TNRC6B: variants seen among roughly 807,000 people sequenced by gnomAD.
The protein encoded by TNRC6B is trinucleotide repeat-containing gene 6B protein.
TNRC6B carries 52 observed loss-of-function variants against 203.6 expected under a neutral mutation model. The observed-to-expected ratio is 0.26, with a 90% CI of 0.20 to 0.32. The LOEUF is 0.32. Among genes scored for constraint, TNRC6B ranks in the 10% least tolerant of loss-of-function variants. TNRC6B has a pLI of 1.00. For missense variants in TNRC6B, 1,923 were observed against 2,286.2 expected (o/e 0.84, Z 3.24); for synonymous variants, 838 against 845.7 (o/e 0.99, Z 0.16).
intron 1 of TNRC6B, among the ~76,000 whole-genome samples, chr22:40,213,853 C>A (rs184162069): frequency 2.0e-5 from 3 of 152,166 alleles, no homozygotes; most frequent in African/African-American, 7.2e-5. Context: ...GATAACTCTT[C>A]AAATATGGAA....
chr22:40,185,254 G>T (rs572272247), intron 1 of TNRC6B, among the ~76,000 whole-genome samples: 1 of 152,244 alleles, frequency 6.6e-6, no homozygotes, highest in East Asian at 1.9e-4. Flanking sequence ...CTCCCAAAGT[G>T]CTGGGATTAC....
intron 1 of TNRC6B, among the ~76,000 whole-genome samples, chr22:40,207,281 G>A (rs1388029661): frequency 1.3e-5 from 2 of 151,824 alleles, no homozygotes; most frequent in Admixed American, 6.6e-5. Context: ...TGTGGCTCAC[G>A]CCTATAGTTC....
At chr22:40,252,689 T>C (rs1460662252) in intron 3 of TNRC6B, among the ~76,000 whole-genome samples, 3 of 152,214 alleles carry the variant, frequency 2.0e-5, no homozygotes, top group East Asian at 1.9e-4. Context: ...CCCTTGTACA[T>C]TTCCTCAGTT....
At chr22:40,051,363 G>A (rs2067742952) in intron 1 of TNRC6B, among the ~76,000 whole-genome samples, 1 of 152,222 alleles carries the variant, frequency 6.6e-6, no homozygotes, top group South Asian at 2.1e-4. Flanking sequence ...CCAGGCTGGG[G>A]TCAGCACTTG....
chr22:40,242,763 G>A (rs565143027), intron 1 of TNRC6B, among the ~76,000 whole-genome samples: 1 of 151,770 alleles, frequency 6.6e-6, no homozygotes, highest in South Asian at 2.1e-4. Context: ...TAGTCCATCA[G>A]TCTCCTGTAT....
intron 1 of TNRC6B, among the ~76,000 whole-genome samples, chr22:40,104,839 C>T (rs967756347): frequency 9.2e-5 from 14 of 152,142 alleles, no homozygotes; most frequent in Non-Finnish European, 2.1e-4. Flanking sequence ...GTTTTACAGA[C>T]GAGAAGGCCG....
intron 1 of TNRC6B, among the ~76,000 whole-genome samples, chr22:40,096,112 G>A (rs2068184320): frequency 6.6e-6 from 1 of 152,126 alleles, no homozygotes; most frequent in Non-Finnish European, 1.5e-5. Flanking sequence ...CTGTTGTATT[G>A]AACACATTGG....
intron 1 of TNRC6B, among the ~76,000 whole-genome samples, chr22:40,051,602 A>G (rs1211433714): frequency 6.6e-6 from 1 of 152,108 alleles, no homozygotes; most frequent in East Asian, 1.9e-4. Flanking sequence ...CTCCCTCCCA[A>G]ATCGACCACA....
chr22:40,071,829 A>G (rs915894372), intron 1 of TNRC6B, among the ~76,000 whole-genome samples: 2 of 152,160 alleles, frequency 1.3e-5, no homozygotes, highest in African/African-American at 4.8e-5. Flanking sequence ...CGATTTGTTC[A>G]GATTGCATGG....
At chr22:40,157,492 T>A (rs2068828029) in intron 4 of TNRC6B, among the ~76,000 whole-genome samples, 1 of 152,206 alleles carries the variant, frequency 6.6e-6, no homozygotes, top group Non-Finnish European at 1.5e-5. Flanking sequence ...CGTCTTGTAT[T>A]TGTTGTGAAT....
chr22:40,156,755 G>GTTTTTTTT (rs542249864), intron 4 of TNRC6B, among the ~76,000 whole-genome samples: 1 of 135,008 alleles, frequency 7.4e-6, no homozygotes. Context: ...TTTGTTGTTG[G>GTTTTTTTT]TTTTTTTTTT....
intron 1 of TNRC6B, among the ~76,000 whole-genome samples, chr22:40,075,156 A>ATATATAT: frequency 2.0e-4 from 7 of 35,554 alleles, no homozygotes; most frequent in Non-Finnish European, 2.1e-4. Context: ...ATATATATAT[A>ATATATAT]TTTTTTTTTT....
chr22:40,056,809 A>G (rs527357654), intron 1 of TNRC6B, among the ~76,000 whole-genome samples: 1 of 151,810 alleles, frequency 6.6e-6, no homozygotes, highest in Admixed American at 6.6e-5. Context: ...AAAAAAAAAA[A>G]AAAAAGAAAG....
chr22:40,183,208 A>G (rs1166785185), intron 1 of TNRC6B, among the ~76,000 whole-genome samples: 2 of 152,146 alleles, frequency 1.3e-5, no homozygotes, highest in African/African-American at 4.8e-5. Flanking sequence ...AGGAAATGCT[A>G]TATGTGAGGG....
At chr22:40,080,636 TC>T (rs2068056650) in intron 1 of TNRC6B, among the ~76,000 whole-genome samples, 1 of 152,124 alleles carries the variant, frequency 6.6e-6, no homozygotes, top group Admixed American at 6.5e-5. Context: ...CCCCAAGTGT[TC>T]CTTGCTTTAC....
At chr22:40,261,681 TG>T in intron 3 of TNRC6B, 150 bp from the exon 4 acceptor site, 4 of 552,424 alleles carry the variant, frequency 7.2e-6, no homozygotes, top group Admixed American at 7.9e-5. Context: ...AAAGCCAAGG[TG>T]GGAGAGTCCC....
At chr22:40,173,344 G>A (rs986699146), upstream of TNRC6B, among the ~76,000 whole-genome samples, 9 of 151,526 alleles carry the variant, frequency 5.9e-5, no homozygotes, top group Non-Finnish European at 1.2e-4. Context: ...ATCCACCCTC[G>A]GCCTCCCAAA....
At chr22:40,057,720 C>T (rs2146268303) in intron 1 of TNRC6B, among the ~76,000 whole-genome samples, 1 of 152,302 alleles carries the variant, frequency 6.6e-6, no homozygotes, top group East Asian at 1.9e-4. Context: ...AGAGAAATGT[C>T]TTGGGTACTT....
intron 1 of TNRC6B, among the ~76,000 whole-genome samples, chr22:40,055,411 G>A (rs2067785632): frequency 6.6e-6 from 1 of 151,790 alleles, no homozygotes; most frequent in African/African-American, 2.4e-5. Flanking sequence ...AGCGTTTTTA[G>A]TATGTGGAGA....
Sources: allele counts gnomAD v4.1 joint callset (sites outside exome capture counted in the v4.1 genomes callset), GRCh38; gene constraint gnomAD v4.1.1; transcripts MANE v1.5; gene names NCBI Gene and HGNC (gene_info 2026-07-23, HGNC 2026-07-21).